Variants in GPM6A observed in about 807,000 individuals in gnomAD.
The protein encoded by GPM6A is neuronal membrane glycoprotein M6-a.
GPM6A carries 7 observed loss-of-function variants against 32.1 expected under a neutral mutation model. That is an observed-to-expected ratio of 0.22 (90% confidence interval 0.12 to 0.41). The LOEUF is 0.41. Among genes scored for constraint, GPM6A ranks in the 10% least tolerant of loss-of-function variants. The probability of loss-of-function intolerance (pLI) is 1.00; values close to 1 mark genes in which losing one functional copy is unlikely to be tolerated. For synonymous variants in GPM6A, 130 were observed against 123.4 expected (o/e 1.05, Z -0.35); for missense variants, 235 against 347.2 (o/e 0.68, Z 2.57).
chr4:175,899,225 C>T (rs1475388129), intron 1 of GPM6A, among the ~76,000 whole-genome samples: 1 of 152,098 alleles, frequency 6.6e-6, no homozygotes, highest in Non-Finnish European at 1.5e-5. Flanking sequence ...CTGTAGTATT[C>T]TCCTAGTCCC....
rs908346566 is a variant in GPM6A, at chr4:175,958,054, G to A, written c.-23+44255C>T. On this transcript the variant is annotated intron_variant, in intron 1 of 7. Transcript: ENST00000280187. ...ATTCCAGGCACCCACCACCATGCCT[G>A]GCTAATTTTTGTGTTTTTACTAGAG... Among the ~76,000 whole-genome samples the A allele has an allele frequency of 5.3e-5, 8 of 152,200 alleles. No homozygotes were observed. In the East Asian group the frequency reaches 9.7e-4, roughly 18 times the overall value.
chr4:175,822,416 T>G (rs890109326), intron 1 of GPM6A, among the ~76,000 whole-genome samples: 3 of 152,166 alleles, frequency 2.0e-5, no homozygotes, highest in African/African-American at 7.2e-5. Flanking sequence ...TATCCAAAAA[T>G]GGGAATACTG....
chr4:175,897,991 T>C (rs535360117), intron 1 of GPM6A, among the ~76,000 whole-genome samples: 2 of 152,318 alleles, frequency 1.3e-5, no homozygotes, highest in East Asian at 1.9e-4. Context: ...CAATTTCAAA[T>C]TGTAAATAAT....
chr4:175,729,837 T>G (rs1560900702), intron 1 of GPM6A, among the ~76,000 whole-genome samples: 1 of 146,224 alleles, frequency 6.8e-6, no homozygotes, highest in Non-Finnish European at 1.5e-5. Context: ...TAATAATTAT[T>G]TATGTATTTA....
chr4:175,929,055 G>A (rs1202699835), intron 1 of GPM6A, among the ~76,000 whole-genome samples: 1 of 152,138 alleles, frequency 6.6e-6, no homozygotes, highest in African/African-American at 2.4e-5. Flanking sequence ...TAAATCTAAG[G>A]TTTATGTGGA....
intron 3 of GPM6A, among the ~76,000 whole-genome samples, chr4:175,670,836 C>A (rs1743015560): frequency 6.6e-6 from 1 of 151,288 alleles, no homozygotes; most frequent in Non-Finnish European, 1.5e-5. Context: ...TTATCACTCT[C>A]CATTCAGTGA....
chr4:175,839,969 A>C (rs1167509659), intron 1 of GPM6A, among the ~76,000 whole-genome samples: 2 of 152,210 alleles, frequency 1.3e-5, no homozygotes, highest in African/African-American at 4.8e-5. Flanking sequence ...AGAGAGACCA[A>C]TGTAACTTAC....
At chr4:175,691,019 A>T (rs752255554) in intron 2 of GPM6A, among the ~76,000 whole-genome samples, 2 of 152,188 alleles carry the variant, frequency 1.3e-5, no homozygotes, top group African/African-American at 4.8e-5. Flanking sequence ...ATTATAATAA[A>T]CCTGAGGTAT....
At chr4:175,924,808 C>T (rs1339364627) in intron 1 of GPM6A, among the ~76,000 whole-genome samples, 1 of 148,816 alleles carries the variant, frequency 6.7e-6, no homozygotes, top group Non-Finnish European at 1.5e-5. Context: ...CTACTGCACT[C>T]CAGCCTAGGC....
At chr4:175,966,356 G>A (rs958060124) in intron 1 of GPM6A, among the ~76,000 whole-genome samples, 1 of 151,638 alleles carries the variant, frequency 6.6e-6, no homozygotes, top group Non-Finnish European at 1.5e-5. Flanking sequence ...GAGCTGAGAT[G>A]GAGCTTCTGC....
intron 1 of GPM6A, among the ~76,000 whole-genome samples, chr4:175,931,489 T>C (rs892154076): frequency 1.3e-5 from 2 of 152,062 alleles, no homozygotes; most frequent in Admixed American, 1.3e-4. Context: ...TATTTTACTA[T>C]TAGTTGAATC....
At chr4:175,658,376 A>G (rs1378622309) in intron 3 of GPM6A, among the ~76,000 whole-genome samples, 1 of 152,028 alleles carries the variant, frequency 6.6e-6, no homozygotes, top group Non-Finnish European at 1.5e-5. Context: ...AAAAAGAAAA[A>G]GTATGGAGAC....
chr4:175,643,913 C>T (rs753256945), intron 4 of GPM6A, among the ~76,000 whole-genome samples: 1 of 152,100 alleles, frequency 6.6e-6, no homozygotes, highest in Non-Finnish European at 1.5e-5. Flanking sequence ...CACATACGGT[C>T]CTTCCCAAGT....
chr4:175,722,644 C>A (rs1746201338), intron 1 of GPM6A, among the ~76,000 whole-genome samples: 1 of 151,930 alleles, frequency 6.6e-6, no homozygotes, highest in East Asian at 1.9e-4. Flanking sequence ...GACACCTCAC[C>A]CGGCAGGTAA....
intron 1 of GPM6A, among the ~76,000 whole-genome samples, chr4:175,922,093 T>TA (rs1738686776): frequency 6.6e-6 from 1 of 152,098 alleles, no homozygotes; most frequent in Non-Finnish European, 1.5e-5. Flanking sequence ...TAATGTGGGG[T>TA]AAAATATGCT....
At chr4:175,926,627 A>T (rs1560997069) in intron 1 of GPM6A, among the ~76,000 whole-genome samples, 1 of 152,314 alleles carries the variant, frequency 6.6e-6, no homozygotes, top group East Asian at 1.9e-4. Context: ...GAATCAAGGC[A>T]CAAAGATAGT....
At position 175,959,298 on chromosome 4, in the gene GPM6A, A is replaced by G. The variant is rs1420366886; in HGVS notation, c.-23+43011T>C. On this transcript the variant is annotated intron_variant, in intron 1 of 7. Coordinates refer to the GPM6A transcript ENST00000280187. ...TTCATTCTGCACAGCTTAACGTTAT[A>G]CACATTATGAGAGCTCAGGGAACAG... Among the ~76,000 whole-genome samples, 5 of 152,278 alleles carry G rather than the reference A, an allele frequency of 3.3e-5. No homozygotes were observed. The East Asian group carries it at 7.7e-4, about 24-fold the overall frequency.
chr4:175,789,695 A>G (rs1233855373), intron 1 of GPM6A, among the ~76,000 whole-genome samples: 1 of 152,212 alleles, frequency 6.6e-6, no homozygotes, highest in Non-Finnish European at 1.5e-5. Flanking sequence ...GAGTTAAAAT[A>G]TAGAAGAAAA....
intron 1 of GPM6A, among the ~76,000 whole-genome samples, chr4:175,766,271 C>A (rs1459086828): frequency 6.6e-6 from 1 of 152,148 alleles, no homozygotes; most frequent in Non-Finnish European, 1.5e-5. Context: ...ATTAAATCAA[C>A]TTTATTTTAT....
Sources: allele counts gnomAD v4.1 joint callset (sites outside exome capture counted in the v4.1 genomes callset), GRCh38; gene constraint gnomAD v4.1.1; transcripts MANE v1.5; gene names NCBI Gene and HGNC (gene_info 2026-07-23, HGNC 2026-07-21).